PTPRD: variants seen among roughly 807,000 people sequenced by gnomAD.
PTPRD encodes protein tyrosine phosphatase receptor type D.
PTPRD carries 34 observed loss-of-function variants against 214.5 expected under a neutral mutation model. That is an observed-to-expected ratio of 0.16 (90% CI 0.12 to 0.21). The LOEUF (loss-of-function observed/expected upper bound fraction) is 0.21. Among genes scored for constraint, PTPRD ranks in the 10% least tolerant of loss-of-function variants. PTPRD has a pLI of 1.00. For missense variants in PTPRD, 2,545 were observed against 2,398.7 expected, an observed-to-expected ratio of 1.06 and a Z score of -1.27; for synonymous variants, 1,128 against 845.7, an observed-to-expected ratio of 1.33 and a Z score of -5.79.
intron 14 of PTPRD, among the ~76,000 whole-genome samples, chr9:8,544,355 T>C (rs1593262529): frequency 6.6e-6 from 1 of 151,596 alleles, no homozygotes; most frequent in African/African-American, 2.4e-5. Context: ...GTGCTGGGAT[T>C]ACAGGCATGA....
intron 12 of PTPRD, among the ~76,000 whole-genome samples, chr9:8,718,836 TCAGTTTGCTGG>T: frequency 6.6e-6 from 1 of 152,320 alleles, no homozygotes; most frequent in South Asian, 2.1e-4. Flanking sequence ...CAAAAGCGTT[TCAGTTTGCTGG>T]CACGATGGAG....
intron 9 of PTPRD, among the ~76,000 whole-genome samples, chr9:9,341,300 C>G (rs1019524342): frequency 1.3e-5 from 2 of 152,088 alleles, no homozygotes; most frequent in African/African-American, 4.8e-5. Context: ...ATGAATGTTA[C>G]TTTAGGCAGA....
At chr9:9,002,471 C>T (rs1025383196) in intron 11 of PTPRD, among the ~76,000 whole-genome samples, 7 of 151,994 alleles carry the variant, frequency 4.6e-5, no homozygotes, top group African/African-American at 1.7e-4. Flanking sequence ...TATAAACTTA[C>T]TTTTGCCATT....
At chr9:9,497,613 C>T (rs2096248610) in intron 8 of PTPRD, among the ~76,000 whole-genome samples, 1 of 152,048 alleles carries the variant, frequency 6.6e-6, no homozygotes, top group Admixed American at 6.6e-5. Flanking sequence ...TTGTCCATGT[C>T]AACGATCACC....
intron 2 of PTPRD, among the ~76,000 whole-genome samples, chr9:10,567,262 G>A (rs2065909543): frequency 6.6e-6 from 1 of 151,860 alleles, no homozygotes; most frequent in Non-Finnish European, 1.5e-5. Context: ...ATTTACTGTG[G>A]TCACAAAATG....
rs2098266438 is a variant in PTPRD, at chr9:10,082,852, C to CACACAA, written c.-544-49063_-544-49062insTTGTGT. 2.0e-5 allele frequency among the ~76,000 whole-genome samples: 3 copies of CACACAA among 151,302 alleles called. No homozygotes were observed. The South Asian group carries it at 6.3e-4, about 32-fold the overall frequency. On this transcript the variant is annotated intron_variant, in intron 3 of 45. Coordinates refer to ENST00000381196, the MANE Select transcript of PTPRD (RefSeq NM_002839.4). ...ACACACACACACAAACACACACACA[C>CACACAA]ACACACACACACCCTAGATTTATTT...
chr9:8,947,326 A>T (rs1289596891), intron 11 of PTPRD, among the ~76,000 whole-genome samples: 3 of 151,592 alleles, frequency 2.0e-5, no homozygotes, highest in Admixed American at 2.0e-4. Context: ...AGCTGGGCAT[A>T]GTGGTGTGCA....
intron 9 of PTPRD, among the ~76,000 whole-genome samples, chr9:9,230,639 C>G (rs190465147): frequency 8.5e-4 from 130 of 152,142 alleles, no homozygotes; most frequent in Non-Finnish European, 1.3e-3. Context: ...GGATTGAATG[C>G]TAGGACACCC....
intron 9 of PTPRD, among the ~76,000 whole-genome samples, chr9:9,371,616 GT>G (rs1307083575): frequency 1.2e-4 from 19 of 152,214 alleles, no homozygotes; most frequent in Non-Finnish European, 2.1e-4. Flanking sequence ...ATCTCCTTCA[GT>G]TCTGCTCTGA....
At chr9:8,393,893 T>C (rs1402988939) in intron 36 of PTPRD, among the ~76,000 whole-genome samples, 1 of 152,118 alleles carries the variant, frequency 6.6e-6, no homozygotes, top group Admixed American at 6.6e-5. Flanking sequence ...ATTACTTACA[T>C]GCTTTATACT....
At chr9:9,123,624 T>C (rs914912848) in intron 10 of PTPRD, among the ~76,000 whole-genome samples, 1 of 152,066 alleles carries the variant, frequency 6.6e-6, no homozygotes, top group East Asian at 1.9e-4. Flanking sequence ...AAACTGAACA[T>C]ATTATATCTT....
intron 5 of PTPRD, among the ~76,000 whole-genome samples, chr9:9,934,682 T>C (rs941273906): frequency 2.0e-5 from 3 of 150,952 alleles, no homozygotes; most frequent in Non-Finnish European, 4.4e-5. Context: ...TCTGAAACTA[T>C]TCCAATCAAC....
chr9:9,666,374 T>A (rs570671168), intron 7 of PTPRD, among the ~76,000 whole-genome samples: 24 of 151,972 alleles, frequency 1.6e-4, no homozygotes, highest in Non-Finnish European at 3.1e-4. Context: ...AAAAAAATTA[T>A]GATCTTATTT....
intron 3 of PTPRD, among the ~76,000 whole-genome samples, chr9:10,091,133 A>G (rs364297): frequency 0.41 from 62,118 of 151,132 alleles, 13,401 homozygotes; most frequent in East Asian, 0.54. Context: ...TTAAAAATGC[A>G]TAGATTATAA....
intron 9 of PTPRD, among the ~76,000 whole-genome samples, chr9:9,316,292 C>T (rs1037143483): frequency 3.3e-5 from 5 of 152,090 alleles, no homozygotes; most frequent in African/African-American, 7.2e-5. Context: ...CAGAGAAATA[C>T]AATATCTGAC....
intron 4 of PTPRD, among the ~76,000 whole-genome samples, chr9:9,953,781 T>C (rs2093660836): frequency 6.6e-6 from 1 of 152,156 alleles, no homozygotes; most frequent in Non-Finnish European, 1.5e-5. Context: ...ATGCTTTATG[T>C]CATGCTCATG....
chr9:9,388,498 G>C (rs1010400832), intron 9 of PTPRD, among the ~76,000 whole-genome samples: 4 of 152,046 alleles, frequency 2.6e-5, no homozygotes, highest in Non-Finnish European at 4.4e-5. Flanking sequence ...CATGAACTAG[G>C]ACTGTCCAAG....
rs141651584 is a variant in PTPRD, at chr9:10,287,653, C to G, written c.-545+53310G>C. Among the ~76,000 whole-genome samples, 466 of 152,176 alleles carry G rather than the reference C, an allele frequency of 3.1e-3. 3 individuals carry two copies. The highest frequency in any genetic ancestry group is 0.011 in the African/African-American group (447 of 41,510). ...CATAGTTCCAGGTGGAGTCTGTTCT[C>G]TCTTCTACTGGGCAGGATTTTCTTG... is the stretch of plus-strand genomic sequence containing the variant. On this transcript the variant is annotated intron_variant, in intron 3 of 45. Coordinates refer to ENST00000381196, the MANE Select transcript of PTPRD (RefSeq NM_002839.4).
At chr9:10,064,761 T>A (rs73641839) in intron 3 of PTPRD, among the ~76,000 whole-genome samples, 107 of 152,038 alleles carry the variant, frequency 7.0e-4, no homozygotes, top group African/African-American at 2.4e-3. Flanking sequence ...CATAATGTTA[T>A]AAACTTGTAT....
Sources: gnomAD v4.1 joint callset for allele counts (sites outside exome capture counted in the v4.1 genomes callset) on GRCh38, gnomAD v4.1.1 for gene constraint, MANE v1.5 for transcripts, NCBI Gene and HGNC (gene_info 2026-07-23, HGNC 2026-07-21) for gene names.